CHLSN: variants seen among roughly 807,000 people sequenced by gnomAD.
CHLSN encodes cholesin.
At chr7:985,463 T>G in the CHLSN span, 10 of 1,000,954 alleles carry the variant, frequency 1.0e-5, 1 homozygote, top group South Asian at 1.3e-4. Flanking sequence ...TGCAAGGGCC[T>G]GAATCAGGAC....
At chr7:1,092,463 C>A in the CHLSN span, 2 of 1,608,114 alleles carry the variant, frequency 1.2e-6, no homozygotes, top group East Asian at 2.2e-5. Flanking sequence ...TCAGGGCGCA[C>A]CGGCACCGTG....
the CHLSN span, among the ~76,000 whole-genome samples, chr7:1,080,358 G>A: frequency 6.6e-6 from 1 of 152,254 alleles, no homozygotes; most frequent in Non-Finnish European, 1.5e-5. Flanking sequence ...GCTCAGTGGC[G>A]AGCAGCCACG....
the CHLSN span, chr7:1,024,812 G>A: frequency 6.6e-6 from 1 of 152,234 alleles, no homozygotes; most frequent in South Asian, 2.1e-4. Context: ...TCCTGCGAGC[G>A]GCTATTTAGA....
At chr7:1,130,206 C>T in the CHLSN span, among the ~76,000 whole-genome samples, 1 of 152,354 alleles carries the variant, frequency 6.6e-6, no homozygotes, top group East Asian at 1.9e-4. Flanking sequence ...CACGCCAGGA[C>T]GGAGAAGTCC....
chr7:1,084,264 T>C, the CHLSN span, among the ~76,000 whole-genome samples: 2 of 152,328 alleles, frequency 1.3e-5, no homozygotes, highest in South Asian at 2.1e-4. Flanking sequence ...TGCTCCTGCA[T>C]GTCACGCGGA....
chr7:1,115,623 C>A, the CHLSN span, among the ~76,000 whole-genome samples: 2 of 133,238 alleles, frequency 1.5e-5, 1 homozygote, highest in Non-Finnish European at 3.3e-5. Flanking sequence ...TGGCTTCCAT[C>A]ACCAACGCCC....
chr7:1,055,617 A>C, the CHLSN span: 1 of 348,106 alleles, frequency 2.9e-6, no homozygotes, highest in South Asian at 2.1e-5. Flanking sequence ...GTACAGTGCC[A>C]CCGGTGGACA....
the CHLSN span, among the ~76,000 whole-genome samples, chr7:1,011,040 C>T: frequency 6.6e-6 from 1 of 151,666 alleles, no homozygotes; most frequent in African/African-American, 2.4e-5. Context: ...GCAAGCCCCC[C>T]TACATACAGA....
At chr7:988,113 G>A in the CHLSN span, among the ~76,000 whole-genome samples, 692 of 152,266 alleles carry the variant, frequency 4.5e-3, 3 homozygotes, top group Middle Eastern at 0.041. Flanking sequence ...GTGTGCCCTG[G>A]GGTCATGTGG....
chr7:1,070,992 A>ACACGTGCACACG, the CHLSN span, among the ~76,000 whole-genome samples: 1 of 150,294 alleles, frequency 6.7e-6, no homozygotes, highest in Non-Finnish European at 1.5e-5. Flanking sequence ...ACGGGCACAC[A>ACACGTGCACACG]CACACGTGCA....
At chr7:1,055,265 G>A in the CHLSN span, 1 of 471,192 alleles carries the variant, frequency 2.1e-6, no homozygotes. Context: ...GGCCCTGCGG[G>A]GAACTTACCA....
chr7:1,054,028 C>T, the CHLSN span, among the ~76,000 whole-genome samples: 6 of 152,168 alleles, frequency 3.9e-5, no homozygotes, highest in African/African-American at 9.7e-5. Context: ...GGTTTCCTCA[C>T]GCTCTGCTGA....
the CHLSN span, among the ~76,000 whole-genome samples, chr7:1,105,523 C>CA: frequency 6.6e-6 from 1 of 152,184 alleles, no homozygotes; most frequent in Non-Finnish European, 1.5e-5. Flanking sequence ...ACTGTGGTGA[C>CA]ACTATGTGCA....
the CHLSN span, among the ~76,000 whole-genome samples, chr7:1,115,556 C>G: frequency 0.047 from 4,946 of 106,268 alleles, 258 homozygotes; most frequent in Non-Finnish European, 0.057. Flanking sequence ...TACAGCTCTA[C>G]GGACAGGCTT....
the CHLSN span, among the ~76,000 whole-genome samples, chr7:990,752 T>C: frequency 1.3e-5 from 2 of 151,928 alleles, no homozygotes; most frequent in Non-Finnish European, 2.9e-5. Context: ...CCCTCAGACA[T>C]TTGAAATATG....
At chr7:1,046,623 A>AC in the CHLSN span, among the ~76,000 whole-genome samples, 4 of 152,184 alleles carry the variant, frequency 2.6e-5, no homozygotes, top group Non-Finnish European at 5.9e-5. Flanking sequence ...GCTGCCCGGG[A>AC]CCAGAAGTCA....
chr7:1,029,588 G>A, the CHLSN span, among the ~76,000 whole-genome samples: 2 of 152,212 alleles, frequency 1.3e-5, no homozygotes, highest in Non-Finnish European at 2.9e-5. Flanking sequence ...TTTATGGTGC[G>A]AGGGAGCCGC....
At chr7:991,348 G>T in the CHLSN span, among the ~76,000 whole-genome samples, 8 of 152,258 alleles carry the variant, frequency 5.3e-5, no homozygotes, top group South Asian at 1.7e-3. Context: ...TACAGCCAGG[G>T]CCCCCCAAGT....
the CHLSN span, chr7:987,041 G>T: frequency 2.8e-6 from 4 of 1,432,708 alleles, no homozygotes; most frequent in East Asian, 5.1e-5. Context: ...CCAGGGCTGG[G>T]CTGGGTCTGT....
Sources: allele counts gnomAD v4.1 joint callset (sites outside exome capture counted in the v4.1 genomes callset), GRCh38; gene constraint gnomAD v4.1.1; transcripts MANE v1.5; gene names NCBI Gene and HGNC (gene_info 2026-07-23, HGNC 2026-07-21).